Variants in DMD observed in about 807,000 individuals in gnomAD.
The protein encoded by DMD is dystrophin, also known as mutant dystrophin.
In DMD, 63 loss-of-function variants were observed where a neutral mutation model predicts 330.1. The ratio of observed to expected loss-of-function variants is 0.19; its 90% CI spans 0.16 to 0.24. DMD has a LOEUF of 0.24. DMD is among the 10% of genes least tolerant of loss of function. DMD has a pLI of 1.00. For missense variants in DMD, 3,344 were observed against 2,684.1 expected (o/e 1.25, Z -5.43); for synonymous variants, 1,223 against 959.8 (o/e 1.27, Z -5.07).
chrX:32,375,294 C>T (rs774678906), intron 34 of DMD, among the ~76,000 whole-genome samples: 1 of 112,236 alleles, frequency 8.9e-6, no homozygotes, highest in South Asian at 3.7e-4. Flanking sequence ...TTATTCATCT[C>T]GCTGGAATTA....
At chrX:32,593,073 G>A (rs759274174) in intron 13 of DMD, among the ~76,000 whole-genome samples, 69 of 112,737 alleles carry the variant, frequency 6.1e-4, no homozygotes, top group African/African-American at 1.9e-3. Flanking sequence ...ATGGGGATCC[G>A]GGCCAGTAGT....
intron 16 of DMD, among the ~76,000 whole-genome samples, chrX:32,554,931 AAGAAAGAAAGAG>A (rs1345211901): frequency 0.016 from 465 of 28,963 alleles, 58 homozygotes; most frequent in African/African-American, 0.13. Context: ...GAAAGAAAGA[AAGAAAGAAAGAG>A]AGAGAGAGGG....
intron 7 of DMD, among the ~76,000 whole-genome samples, chrX:32,745,101 A>C (rs769044685): frequency 5.4e-5 from 6 of 111,992 alleles, no homozygotes; most frequent in African/African-American, 1.9e-4. Flanking sequence ...TTCAAAATGG[A>C]CTTAAGGGGG....
intron 59 of DMD, among the ~76,000 whole-genome samples, chrX:31,460,068 C>A (rs113057442): frequency 2.5e-3 from 276 of 112,171 alleles, no homozygotes; most frequent in African/African-American, 8.2e-3. Context: ...TTTAAGACAT[C>A]TGTTTCCATT....
chrX:32,293,397 A>G (rs1220632530), intron 42 of DMD, among the ~76,000 whole-genome samples: 4 of 111,497 alleles, frequency 3.6e-5, no homozygotes, highest in Non-Finnish European at 7.5e-5. Context: ...CTAAAGAATA[A>G]TAGTCATCAG....
At chrX:31,372,183 T>G (rs972979876) in intron 60 of DMD, among the ~76,000 whole-genome samples, 2 of 111,634 alleles carry the variant, frequency 1.8e-5, no homozygotes, top group African/African-American at 6.5e-5. Flanking sequence ...GGGACACTCC[T>G]GGCACACAGC....
intron 11 of DMD, among the ~76,000 whole-genome samples, chrX:32,633,614 G>T (rs189351653): frequency 3.6e-5 from 4 of 111,810 alleles, no homozygotes; most frequent in Non-Finnish European, 7.5e-5. Flanking sequence ...GGCCACTCTC[G>T]CATTGCTATC....
At chrX:33,159,959 A>T in intron 1 of DMD, among the ~76,000 whole-genome samples, 1 of 111,910 alleles carries the variant, frequency 8.9e-6, no homozygotes, top group Non-Finnish European at 1.9e-5. Context: ...CCCGATTTAC[A>T]ATGGTTCCAC....
chrX:31,363,935 C>T (rs2059100852), intron 60 of DMD, among the ~76,000 whole-genome samples: 1 of 111,992 alleles, frequency 8.9e-6, no homozygotes, highest in Non-Finnish European at 1.9e-5. Context: ...AACTTTCACC[C>T]TCTACTTCAT....
At chrX:32,161,876 A>G (rs1229076692) in intron 44 of DMD, among the ~76,000 whole-genome samples, 1 of 112,133 alleles carries the variant, frequency 8.9e-6, no homozygotes, top group Non-Finnish European at 1.9e-5. Context: ...AAGATATCAT[A>G]AAACTATCCA....
rs764298486 is a variant in DMD, at chrX:32,445,772, C to CA, written c.3786+2683dup. On this transcript the variant is annotated intron_variant, in intron 27 of 78. Transcript: ENST00000357033. ...TTAAAGGAATACATAGAATTAATCACAAAAAAGAAGAAAACCATAACAAAG... is the reference window on the plus strand; with the variant it reads ...TTAAAGGAATACATAGAATTAATCACAAAAAAAGAAGAAAACCATAACAAAG... Among the ~76,000 whole-genome samples, 30 of 109,734 alleles carry CA rather than the reference C, an allele frequency of 2.7e-4. No individual in the cohort carries two copies. The South Asian group carries it at 9.3e-3, about 34-fold the overall frequency.
At chrX:32,206,629 G>A in intron 44 of DMD, 1 of 570,145 alleles carries the variant, frequency 1.8e-6, no homozygotes. Context: ...AGAAAAAGGT[G>A]GTTCTCTTCC....
At chrX:31,437,626 A>G (rs963966826) in intron 60 of DMD, among the ~76,000 whole-genome samples, 3 of 111,154 alleles carry the variant, frequency 2.7e-5, no homozygotes, top group African/African-American at 9.8e-5. Flanking sequence ...CCGAAGCAAC[A>G]GGCTCACTTC....
At chrX:31,599,889 G>A (rs1021796466) in intron 55 of DMD, among the ~76,000 whole-genome samples, 1 of 111,370 alleles carries the variant, frequency 9.0e-6, no homozygotes, top group Non-Finnish European at 1.9e-5. Flanking sequence ...ATCAACTATG[G>A]TCATTTTTTT....
At chrX:33,107,070 C>T (rs945976353) in intron 1 of DMD, among the ~76,000 whole-genome samples, 9 of 111,460 alleles carry the variant, frequency 8.1e-5, no homozygotes, top group Non-Finnish European at 5.6e-5. Context: ...CCAGCACTTT[C>T]GGAGGCAGAG....
At chrX:31,234,714 CA>C (rs2047551382) in intron 63 of DMD, among the ~76,000 whole-genome samples, 1 of 111,921 alleles carries the variant, frequency 8.9e-6, no homozygotes. Context: ...CACACACATA[CA>C]AAACTCTGGT....
At chrX:31,427,864 A>G (rs2063800477) in intron 60 of DMD, among the ~76,000 whole-genome samples, 1 of 112,016 alleles carries the variant, frequency 8.9e-6, no homozygotes, top group African/African-American at 3.2e-5. Flanking sequence ...TTGCAGGGAC[A>G]CTAAGGAGGT....
rs2035582435 is a variant in DMD, at chrX:31,138,649, GAGAGAGAGAGAGAGAGAGA to G, written c.10922-4474_10922-4456del. On this transcript the variant is annotated intron_variant, in intron 76 of 78. Coordinates refer to ENST00000357033, the MANE Select transcript of DMD (RefSeq NM_004006.3). ...GGAGAGAGAGAGAGAGAGAGAGAGAGAGAGAGAGAGAGAGAGAGAGAGAGAGAGAGAGAGAGAGAAGGGG... is the reference window on the plus strand; with the variant it reads ...GGAGAGAGAGAGAGAGAGAGAGAGAGGAGAGAGAGAGAGAGAGAGAAGGGG... Among the ~76,000 whole-genome samples, 3 of 78,543 alleles carry G rather than the reference GAGAGAGAGAGAGAGAGAGA, an allele frequency of 3.8e-5. No individual in the cohort carries two copies. The East Asian group carries it at 1.2e-3, about 32-fold the overall frequency. 68.2% of individuals were successfully genotyped at this position (78,543 alleles called of 115,157 possible).
intron 44 of DMD, among the ~76,000 whole-genome samples, chrX:32,123,962 T>C (rs1306515041): frequency 8.9e-6 from 1 of 112,092 alleles, no homozygotes; most frequent in Non-Finnish European, 1.9e-5. Context: ...CATCTGTCTT[T>C]TGTGAGGTGA....
Sources: allele counts gnomAD v4.1 joint callset (sites outside exome capture counted in the v4.1 genomes callset), GRCh38; gene constraint gnomAD v4.1.1; transcripts MANE v1.5; gene names NCBI Gene and HGNC (gene_info 2026-07-23, HGNC 2026-07-21).